The following ELP4 variants were observed in gnomAD, a reference collection of about 807,000 sequenced individuals.
ELP4 encodes elongator acetyltransferase complex subunit 4, also known as elongator complex protein 4.
A neutral mutation model predicts 48.9 loss-of-function variants in ELP4; 51 were observed. That is an observed-to-expected ratio of 1.04 (90% CI 0.83 to 1.32). ELP4 has a LOEUF of 1.32. Ranked by LOEUF, ELP4 falls within the 40% of genes most tolerant of loss-of-function variation. The pLI is 0.00. For synonymous variants in ELP4, 210 were observed against 189.2 expected (o/e 1.11, Z -0.90); for missense variants, 519 against 514.6 (o/e 1.01, Z -0.08).
At chr11:31,649,937 G>A (rs1945285623) in intron 8 of ELP4, 178 bp from the exon 9 acceptor site, 2 of 419,812 alleles carry the variant, frequency 4.8e-6, no homozygotes, top group South Asian at 1.6e-4. Context: ...ATCTTATTCT[G>A]CTTGATTACT....
chr11:31,783,223 G>C (rs972814459), intron 9 of ELP4, among the ~76,000 whole-genome samples, 170 bp from the exon 10 acceptor site: 1 of 152,194 alleles, frequency 6.6e-6, no homozygotes, highest in Non-Finnish European at 1.5e-5. Context: ...AACAGGAGGT[G>C]ATTATACTGG....
At chr11:31,542,049 C>G (rs559662832) in intron 3 of ELP4, among the ~76,000 whole-genome samples, 1 of 152,180 alleles carries the variant, frequency 6.6e-6, no homozygotes, top group African/African-American at 2.4e-5. Context: ...CAGATTTCTC[C>G]TCATGCCTGA....
intron 9 of ELP4, among the ~76,000 whole-genome samples, chr11:31,708,956 A>C (rs995694133): frequency 2.0e-5 from 3 of 152,194 alleles, no homozygotes; most frequent in African/African-American, 7.2e-5. Flanking sequence ...ATGTAAGATT[A>C]AAATTTAGAC....
intron 9 of ELP4, among the ~76,000 whole-genome samples, chr11:31,758,984 A>G (rs1466484042): frequency 6.6e-6 from 1 of 152,172 alleles, no homozygotes; most frequent in Non-Finnish European, 1.5e-5. Context: ...ATGTCATATT[A>G]TGTAATATAT....
chr11:31,556,915 A>C (rs1452279318), intron 3 of ELP4, among the ~76,000 whole-genome samples: 1 of 151,880 alleles, frequency 6.6e-6, no homozygotes, highest in Non-Finnish European at 1.5e-5. Context: ...AGTATATAAT[A>C]TTTTAACATC....
intron 9 of ELP4, among the ~76,000 whole-genome samples, chr11:31,693,222 A>G (rs935802515): frequency 3.9e-5 from 6 of 152,072 alleles, no homozygotes; most frequent in Non-Finnish European, 8.8e-5. Context: ...GGTTTGTTAC[A>G]TAGGTATACA....
intron 9 of ELP4, among the ~76,000 whole-genome samples, chr11:31,658,362 T>C (rs1945481671): frequency 3.3e-5 from 1 of 30,446 alleles, no homozygotes; most frequent in African/African-American, 4.5e-5. Flanking sequence ...GATGTTATTT[T>C]ATATATATAT....
intron 9 of ELP4, among the ~76,000 whole-genome samples, chr11:31,690,665 GA>G (rs1382639957): frequency 6.6e-6 from 1 of 151,668 alleles, no homozygotes. Flanking sequence ...TTTATTTAAA[GA>G]AAATGTTGGC....
intron 5 of ELP4, among the ~76,000 whole-genome samples, chr11:31,609,394 G>A (rs1410562400): frequency 3.3e-5 from 5 of 152,180 alleles, no homozygotes; most frequent in Admixed American, 2.6e-4. Context: ...TATGTTAGGA[G>A]CAGACTGAGA....
chr11:31,782,292 A>G (rs900513669), intron 9 of ELP4, among the ~76,000 whole-genome samples: 3 of 152,244 alleles, frequency 2.0e-5, no homozygotes, highest in Admixed American at 2.0e-4. Context: ...CCAAAATAAT[A>G]TGGTTCTCCC....
intron 7 of ELP4, among the ~76,000 whole-genome samples, chr11:31,638,444 G>C (rs775995512): frequency 1.3e-5 from 2 of 151,652 alleles, no homozygotes; most frequent in Non-Finnish European, 2.9e-5. Context: ...TATACCCACT[G>C]TTTTATAATA....
chr11:31,781,488 C>A (rs568853537), intron 9 of ELP4, among the ~76,000 whole-genome samples: 3 of 67,414 alleles, frequency 4.5e-5, no homozygotes, highest in African/African-American at 1.4e-4. Flanking sequence ...ATTCCTGAGC[C>A]TTTTTTTTTT....
rs866847242 is a variant in ELP4, at chr11:31,518,210, G to A, written c.224-1846G>A. Among the ~76,000 whole-genome samples the A allele has an allele frequency of 5.3e-5, 8 of 150,476 alleles. No individual in the cohort carries two copies. The South Asian group carries it at 6.3e-4, about 12-fold the overall frequency. The stretch of plus-strand genomic sequence containing the variant: ...CGACCTCCACCTTCCTGGTTCAAGC[G>A]ATTCTCCTGCCTCAGCCTCCTGCGT... On this transcript the variant is annotated intron_variant, in intron 1 of 9. Coordinates refer to ENST00000640961, the MANE Select transcript of ELP4 (RefSeq NM_019040.5).
intron 9 of ELP4, among the ~76,000 whole-genome samples, chr11:31,688,000 G>A (rs936913504): frequency 7.9e-5 from 12 of 152,178 alleles, no homozygotes; most frequent in African/African-American, 2.9e-4. Flanking sequence ...TTGACAGCGT[G>A]TTGGATAAAT....
intron 9 of ELP4, among the ~76,000 whole-genome samples, chr11:31,726,465 G>A (rs997944775): frequency 6.6e-6 from 1 of 152,142 alleles, no homozygotes; most frequent in African/African-American, 2.4e-5. Flanking sequence ...GTGATTTTTG[G>A]TAACTAATCT....
At chr11:31,605,429 C>A (rs1957856270) in intron 5 of ELP4, among the ~76,000 whole-genome samples, 1 of 151,998 alleles carries the variant, frequency 6.6e-6, no homozygotes, top group Non-Finnish European at 1.5e-5. Flanking sequence ...CGAAATAGGT[C>A]AGGGTAATTT....
At chr11:31,712,514 GCTT>G (rs1946763295) in intron 9 of ELP4, among the ~76,000 whole-genome samples, 1 of 151,968 alleles carries the variant, frequency 6.6e-6, no homozygotes, top group Non-Finnish European at 1.5e-5. Context: ...ATCCTAAGAG[GCTT>G]CTATTAGCTT....
At chr11:31,568,875 A>G (rs1957152929) in intron 3 of ELP4, among the ~76,000 whole-genome samples, 1 of 152,158 alleles carries the variant, frequency 6.6e-6, no homozygotes, top group Non-Finnish European at 1.5e-5. Flanking sequence ...ACCTGAAGTC[A>G]GGAGTTCAAG....
At chr11:31,755,247 T>C (rs1301598286) in intron 9 of ELP4, among the ~76,000 whole-genome samples, 3 of 152,116 alleles carry the variant, frequency 2.0e-5, no homozygotes, top group Non-Finnish European at 4.4e-5. Flanking sequence ...AATTAATGAA[T>C]TAGTAAATCT....
Sources: gnomAD v4.1 joint callset for allele counts (sites outside exome capture counted in the v4.1 genomes callset) on GRCh38, gnomAD v4.1.1 for gene constraint, MANE v1.5 for transcripts, NCBI Gene and HGNC (gene_info 2026-07-23, HGNC 2026-07-21) for gene names.